The following C19orf12 variants were observed in gnomAD, a reference collection of about 807,000 sequenced individuals.
The protein encoded by C19orf12 is chromosome 19 open reading frame 12.
In C19orf12, 2 loss-of-function variants were observed where a neutral mutation model predicts 3.8. The observed-to-expected ratio is 0.53, with a 90% confidence interval of 0.22 to 1.66. C19orf12 has a LOEUF of 1.66. C19orf12 is among the 40% of genes most tolerant of loss of function. The pLI, the probability that C19orf12 is intolerant of heterozygous loss-of-function variation, is 0.20. For synonymous variants in C19orf12, 89 were observed against 84.6 expected, an observed-to-expected ratio of 1.05 and a Z score of -0.28; for missense variants, 156 against 188.8, an observed-to-expected ratio of 0.83 and a Z score of 1.02.
chr19:29,699,025 C>T lies in C19orf12; in HGVS notation c.*3687G>A. ...TAAAAATCCACAAATGGAATTCACA[C>T]CAGGCACATGGTTAGGCACAGTGGA... is the stretch of plus-strand genomic sequence containing the variant. On this transcript the variant is annotated 3_prime_UTR_variant, in exon 3 of 3. Coordinates refer to ENST00000323670, the MANE Select transcript of C19orf12 (RefSeq NM_031448.6). 1 of 453,892 alleles carries T rather than the reference C, an allele frequency of 2.2e-6. No homozygotes were observed. Among genetic ancestry groups the T allele is most frequent in the Non-Finnish European group, 4.4e-6 (1 of 226,756 alleles). The allele number at this position is 453,892 out of a possible 1,614,324, so 28.1% of individuals were successfully genotyped here.
intron 1 of C19orf12, 67 bp downstream of exon 1, chr19:29,715,058 G>C (rs1262734440): frequency 1.5e-6 from 1 of 655,130 alleles, no homozygotes; most frequent in Non-Finnish European, 2.8e-6. Flanking sequence ...CTGCTCTTGG[G>C]GTGCCCCCTC....
intron 1 of C19orf12, among the ~76,000 whole-genome samples, chr19:29,714,019 C>A (rs1972826770): frequency 6.7e-6 from 1 of 149,568 alleles, no homozygotes; most frequent in African/African-American, 2.5e-5. Flanking sequence ...TTTCTCTTTC[C>A]CTCTCCCCTT....
Position 29,705,916 on chromosome 19 carries a change from G to A in C19orf12, c.160+2338C>T, listed in dbSNP as rs185017773. Among the ~76,000 whole-genome samples the A allele has an allele frequency of 9.2e-5, 14 of 152,260 alleles. No homozygotes were observed. In the East Asian group the frequency reaches 2.3e-3, roughly 25 times the overall value. On this transcript the variant is annotated intron_variant, in intron 2 of 2. Transcript: ENST00000323670. ...CAGGAATCCTTTGTACTATCTTCAC[G>A]ACTTCTCTGTAAACCTAATATTATT... is the stretch of plus-strand genomic sequence containing the variant.
rs745388588 is a variant in C19orf12, at chr19:29,699,791, T to A, written c.*2921A>T. 8.9e-6 allele frequency: 4 copies of A among 451,312 alleles called. No individual in the cohort carries two copies. Among genetic ancestry groups the A allele is most frequent in the Non-Finnish European group, 1.3e-5 (3 of 226,218 alleles). 28.0% of individuals were successfully genotyped at this position (451,312 alleles called of 1,614,324 possible). Reference sequence around the variant, plus strand: ...CTTGCAGCTTGCGCCCTCCCGTACCTTTTAAATTTTGTACCAGGCAGGTAT... The same window carrying A: ...CTTGCAGCTTGCGCCCTCCCGTACCATTTAAATTTTGTACCAGGCAGGTAT... On this transcript the variant is annotated 3_prime_UTR_variant, in exon 3 of 3. Transcript: ENST00000323670.
At chr19:29,705,273 C>T in intron 2 of C19orf12, 1 of 428,272 alleles carries the variant, frequency 2.3e-6, no homozygotes, top group Non-Finnish European at 4.6e-6. Flanking sequence ...CTACGAAATA[C>T]CTGCCCAGTA....
In C19orf12 at chr19:29,700,733, A is replaced by T. The variant is rs987709094; in HGVS notation, c.*1979T>A. ...CCAGCAGAAGAGCAATCGCTCTGCA[A>T]GAGAAAGGCTCGGCCCTTCCTTAAT... On this transcript the variant is annotated 3_prime_UTR_variant, in exon 3 of 3. Coordinates refer to ENST00000323670, the MANE Select transcript of C19orf12 (RefSeq NM_031448.6). 7 of 454,066 alleles carry T rather than the reference A, an allele frequency of 1.5e-5. No homozygotes were observed. Among genetic ancestry groups the T allele is most frequent in the Admixed American group, 1.4e-4 (6 of 42,562 alleles). The allele number at this position is 454,066 out of a possible 1,614,324, so 28.1% of individuals were successfully genotyped here.
At chr19:29,703,315 T>C (rs1265995459) in intron 2 of C19orf12, among the ~76,000 whole-genome samples, 1 of 151,930 alleles carries the variant, frequency 6.6e-6, no homozygotes, top group Admixed American at 6.6e-5. Flanking sequence ...GGGCTTACTG[T>C]AAAAATCCCT....
intron 2 of C19orf12, among the ~76,000 whole-genome samples, chr19:29,704,173 G>A (rs1430112491): frequency 3.3e-5 from 5 of 152,058 alleles, no homozygotes; most frequent in Admixed American, 6.6e-5. Context: ...TTGTATGATC[G>A]ATAAATAACA....
At chr19:29,703,295 G>A (rs1041292803) in intron 2 of C19orf12, among the ~76,000 whole-genome samples, 6 of 152,034 alleles carry the variant, frequency 3.9e-5, no homozygotes, top group East Asian at 1.9e-4. Context: ...ATGAGCTGAC[G>A]GAGGTTTCTG....
At chr19:29,714,581 C>T (rs933845570) in intron 1 of C19orf12, among the ~76,000 whole-genome samples, 4 of 152,268 alleles carry the variant, frequency 2.6e-5, no homozygotes, top group East Asian at 1.9e-4. Context: ...TCTAAACTAG[C>T]GCCCAGATTT....
intron 1 of C19orf12, among the ~76,000 whole-genome samples, chr19:29,712,792 T>G (rs1309906401): frequency 6.6e-6 from 1 of 152,210 alleles, no homozygotes; most frequent in Non-Finnish European, 1.5e-5. Context: ...CTGGAGTGTC[T>G]GCGTCCTTGA....
Position 29,702,862 on chromosome 19 carries a change from G to A in C19orf12, c.276C>T (p.Ala92=), listed in dbSNP as rs772027533. 56 of 1,614,164 alleles carry A rather than the reference G, an allele frequency of 3.5e-5. No individual in the cohort carries two copies. Among genetic ancestry groups the A allele is most frequent in the South Asian group, 4.4e-5 (4 of 91,072 alleles). Residue 92 remains alanine, a synonymous_variant, in exon 3 of 3, where the codon GCC becomes GCT. Transcript: ENST00000323670. ...PAEQQRLFNE[A]AAIIRHLEWT... is the part of the protein sequence containing the mutation. ...ACTCCAGGTGCCTGATGATGGCTGC[G>A]GCTTCGTTAAAGAGCCTCTGTTGCT...
rs1000942011 is a variant in C19orf12 at position 29,715,199 on chromosome 19, C to A, written c.-85G>T. ...CAGCCCGGGCCTGGCAGGCCCCGGG[C>A]TCCCCGCCCAGCTCCCCAGCCCCGC... On this transcript the variant is annotated 5_prime_UTR_variant, in exon 1 of 3. Coordinates refer to ENST00000323670, the MANE Select transcript of C19orf12 (RefSeq NM_031448.6). 22 of 477,186 alleles carry A rather than the reference C, an allele frequency of 4.6e-5. No individual in the cohort carries two copies. The highest frequency in any genetic ancestry group is 1.8e-4 in the Admixed American group (5 of 27,620). 29.6% of individuals were successfully genotyped at this position (477,186 alleles called of 1,614,324 possible).
At chr19:29,712,650 C>T (rs910723726) in intron 1 of C19orf12, among the ~76,000 whole-genome samples, 4 of 152,274 alleles carry the variant, frequency 2.6e-5, no homozygotes, top group Non-Finnish European at 2.9e-5. Context: ...AAATGAAGCA[C>T]CCCTCCCACC....
At chr19:29,710,200 A>G (rs1160440875) in intron 1 of C19orf12, among the ~76,000 whole-genome samples, 2 of 152,148 alleles carry the variant, frequency 1.3e-5, no homozygotes, top group Non-Finnish European at 2.9e-5. Context: ...AGGATGATCC[A>G]GAAGCAGAAG....
At position 29,702,205 on chromosome 19, in the gene C19orf12, G is replaced by A. The variant is rs1332012434; in HGVS notation, c.*507C>T. ...ATTCGACAGTCCCTGGGTAGGGGAC[G>A]GTTGCACTAGGAGGTAAACATGATT... On this transcript the variant is annotated 3_prime_UTR_variant, in exon 3 of 3. Coordinates refer to ENST00000323670, the MANE Select transcript of C19orf12 (RefSeq NM_031448.6). The A allele has an allele frequency of 2.2e-6, 1 of 454,210 alleles. No homozygotes were observed. Among genetic ancestry groups the A allele is most frequent in the East Asian group, 6.9e-5 (1 of 14,394 alleles). 28.1% of individuals were successfully genotyped at this position (454,210 alleles called of 1,614,324 possible). A position where few individuals can be genotyped will look rare whatever the true frequency, so the allele number is the denominator to read the frequency against.
intron 1 of C19orf12, among the ~76,000 whole-genome samples, chr19:29,709,956 T>G (rs1181893693): frequency 6.6e-6 from 1 of 152,124 alleles, no homozygotes; most frequent in African/African-American, 2.4e-5. Context: ...ACTGCAGCCT[T>G]GAACTCCTGG....
chr19:29,703,909 G>A (rs2145626297), intron 2 of C19orf12, among the ~76,000 whole-genome samples: 1 of 152,168 alleles, frequency 6.6e-6, no homozygotes, highest in Admixed American at 6.5e-5. Context: ...AGAATCACTT[G>A]AACCCGGGAA....
rs1972188076 is a variant in C19orf12 at position 29,702,937 on chromosome 19, A to G, written c.201T>C (p.Ser67=). 1 of 1,613,984 alleles carries G rather than the reference A, an allele frequency of 6.2e-7. No homozygotes were observed. The highest frequency in any genetic ancestry group is 1.3e-5 in the African/African-American group (1 of 74,894). The part of the protein sequence containing the change: ...VGGLLGAWMT[S]GQFKPVPQIL... The stretch of plus-strand genomic sequence containing the variant: ...TCTGAGGAACCGGCTTAAACTGTCC[A>G]CTTGTCATCCAGGCACCTAACAGCC... Residue 67 remains serine, a synonymous_variant, in exon 3 of 3, where the codon AGT becomes AGC. Coordinates refer to ENST00000323670, the MANE Select transcript of C19orf12 (RefSeq NM_031448.6).
Sources: allele counts gnomAD v4.1 joint callset (sites outside exome capture counted in the v4.1 genomes callset), GRCh38; gene constraint gnomAD v4.1.1; transcripts MANE v1.5; gene names NCBI Gene and HGNC (gene_info 2026-07-23, HGNC 2026-07-21).